The following SIPA1L1 variants were observed in gnomAD, a reference collection of about 807,000 sequenced individuals.
The protein encoded by SIPA1L1 is signal induced proliferation associated 1 like 1.
Under a neutral mutation model 162.7 loss-of-function variants are expected in SIPA1L1, and 26 were observed. That is an observed-to-expected ratio of 0.16 (90% CI 0.12 to 0.22). The LOEUF is 0.22. Among genes scored for constraint, SIPA1L1 ranks in the 10% least tolerant of loss-of-function variants. The pLI is 1.00. For missense variants in SIPA1L1, 1,874 were observed against 2,241.0 expected, an observed-to-expected ratio of 0.84 and a Z score of 3.31; for synonymous variants, 829 against 837.4, an observed-to-expected ratio of 0.99 and a Z score of 0.17.
At chr14:71,532,745 A>T (rs1279396843) in intron 4 of SIPA1L1, among the ~76,000 whole-genome samples, 1 of 152,096 alleles carries the variant, frequency 6.6e-6, no homozygotes, top group East Asian at 1.9e-4. Flanking sequence ...ATGAAAGTAA[A>T]TTTTTTTTCC....
chr14:71,580,378 G>A (rs1350943102), intron 4 of SIPA1L1, among the ~76,000 whole-genome samples: 3 of 152,170 alleles, frequency 2.0e-5, no homozygotes, highest in Non-Finnish European at 4.4e-5. Flanking sequence ...ATGGCAACCT[G>A]TGCTCTGCGT....
At chr14:71,431,490 C>T (rs1318952323) in intron 2 of SIPA1L1, among the ~76,000 whole-genome samples, 11 of 151,866 alleles carry the variant, frequency 7.2e-5, no homozygotes, top group African/African-American at 2.2e-4. Context: ...TCCAGGAGTT[C>T]GAGACCAGCC....
intron 4 of SIPA1L1, among the ~76,000 whole-genome samples, chr14:71,542,663 C>T (rs1344645474): frequency 2.5e-5 from 3 of 119,584 alleles, no homozygotes; most frequent in African/African-American, 9.0e-5. Flanking sequence ...CCTCCTCCTC[C>T]TCCCTCCTCC....
At chr14:71,349,908 G>C (rs908915952) in intron 2 of SIPA1L1, among the ~76,000 whole-genome samples, 2 of 152,162 alleles carry the variant, frequency 1.3e-5, no homozygotes, top group South Asian at 4.1e-4. Context: ...CCTGGTTAAG[G>C]AGTGCTCTTG....
intron 20 of SIPA1L1, among the ~76,000 whole-genome samples, chr14:71,732,100 C>A (rs893778741): frequency 2.6e-5 from 4 of 152,216 alleles, no homozygotes; most frequent in African/African-American, 9.6e-5. Flanking sequence ...TAATATCTTG[C>A]AGTGTTTGTT....
intron 4 of SIPA1L1, among the ~76,000 whole-genome samples, chr14:71,575,452 C>T (rs934860782): frequency 2.0e-5 from 3 of 152,106 alleles, no homozygotes; most frequent in Non-Finnish European, 2.9e-5. Context: ...TTTCAGTAAG[C>T]ATATAACCGG....
At chr14:71,727,931 A>G (rs2084391647) in intron 19 of SIPA1L1, among the ~76,000 whole-genome samples, 1 of 152,076 alleles carries the variant, frequency 6.6e-6, no homozygotes, top group Non-Finnish European at 1.5e-5. Context: ...GCCTCCCTTC[A>G]CTGCAGGGTG....
intron 2 of SIPA1L1, among the ~76,000 whole-genome samples, chr14:71,445,590 T>C (rs1251171034): frequency 1.3e-5 from 2 of 152,190 alleles, no homozygotes; most frequent in African/African-American, 2.4e-5. Flanking sequence ...TAAGTGCATA[T>C]GTACTATATG....
At chr14:71,698,134 A>T (rs2081795054) in intron 13 of SIPA1L1, among the ~76,000 whole-genome samples, 1 of 152,204 alleles carries the variant, frequency 6.6e-6, no homozygotes, top group Non-Finnish European at 1.5e-5. Context: ...TTGCTTCTGA[A>T]ATAAAATACC....
intron 12 of SIPA1L1, among the ~76,000 whole-genome samples, chr14:71,673,624 T>G (rs1400614129): frequency 6.6e-6 from 1 of 152,154 alleles, no homozygotes; most frequent in Non-Finnish European, 1.5e-5. Flanking sequence ...TTTTATATAC[T>G]TTGCTCAGGA....
intron 3 of SIPA1L1, among the ~76,000 whole-genome samples, chr14:71,520,706 T>TA (rs1204260992): frequency 2.0e-5 from 3 of 152,326 alleles, no homozygotes; most frequent in South Asian, 2.1e-4. Flanking sequence ...CTTTTATTGT[T>TA]ACAGTATTCC....
chr14:71,415,419 T>C (rs968855603), intron 2 of SIPA1L1, among the ~76,000 whole-genome samples: 2 of 152,200 alleles, frequency 1.3e-5, no homozygotes, highest in African/African-American at 2.4e-5. Flanking sequence ...TCCAGGCTTA[T>C]AATAGCAACA....
chr14:71,714,337 G>GCAGA (rs2083100270), intron 17 of SIPA1L1, among the ~76,000 whole-genome samples: 1 of 152,178 alleles, frequency 6.6e-6, no homozygotes, highest in African/African-American at 2.4e-5. Context: ...GATGCTTGAT[G>GCAGA]CAGATCTCAC....
At position 71,671,454 on chromosome 14, in the gene SIPA1L1, G is replaced by A. The variant is rs373310760; in HGVS notation, c.2591G>A (p.Arg864Gln). Residue 864 changes from arginine (R) to glutamine (Q), a missense_variant, in exon 11 of 24, where the codon CGG (arginine) becomes CAG (glutamine). By Grantham distance (43) the Arg-to-Gln change is conservative. Coordinates refer to ENST00000381232, the MANE Select transcript of SIPA1L1 (RefSeq NM_001386936.1). ...ATGGGGGCCATTGTATGGGCAGTCC[G>A]GGCTGAAGACTACAACAAGGCCATG... ...SSMGAIVWAVRAEDYNKAMEL... is the reference protein window; with the variant it reads ...SSMGAIVWAVQAEDYNKAMEL... 27 of 1,613,968 alleles carry A rather than the reference G, an allele frequency of 1.7e-5. No homozygotes were observed. In the Admixed American group the frequency reaches 1.8e-4, roughly 11 times the overall value.
intron 4 of SIPA1L1, among the ~76,000 whole-genome samples, chr14:71,564,486 C>CCTTCTTTTTT (rs1444019848): frequency 8.6e-5 from 2 of 23,138 alleles, no homozygotes; most frequent in Non-Finnish European, 1.4e-4. Context: ...TCGGCATTTT[C>CCTTCTTTTTT]TTTCTTTTTT....
intron 12 of SIPA1L1, among the ~76,000 whole-genome samples, chr14:71,673,000 T>G (rs1409443986): frequency 6.6e-6 from 1 of 152,230 alleles, no homozygotes; most frequent in Non-Finnish European, 1.5e-5. Context: ...TCTTCTATGT[T>G]CCATGATGCT....
At chr14:71,640,020 C>G (rs2041550100) in intron 7 of SIPA1L1, among the ~76,000 whole-genome samples, 1 of 152,142 alleles carries the variant, frequency 6.6e-6, no homozygotes. Context: ...TCTCGTGCCT[C>G]AGTCTCCCGA....
chr14:71,685,783 A>G (rs2046239942), intron 13 of SIPA1L1, 152 bp downstream of exon 13: 5 of 987,966 alleles, frequency 5.1e-6, no homozygotes, highest in East Asian at 2.6e-5. Flanking sequence ...AAAGCATGGT[A>G]GTGTTCCAAA....
chr14:71,561,430 C>T (rs2056781064), intron 4 of SIPA1L1, among the ~76,000 whole-genome samples: 1 of 152,088 alleles, frequency 6.6e-6, no homozygotes, highest in Non-Finnish European at 1.5e-5. Context: ...ATTGTACAAT[C>T]CAATAGCATT....
Sources: allele counts gnomAD v4.1 joint callset (sites outside exome capture counted in the v4.1 genomes callset), GRCh38; gene constraint gnomAD v4.1.1; transcripts MANE v1.5; gene names NCBI Gene and HGNC (gene_info 2026-07-23, HGNC 2026-07-21).